RABGEF1: variants seen among roughly 807,000 people sequenced by gnomAD.
RABGEF1 encodes rab5 GDP/GTP exchange factor.
A neutral mutation model predicts 57.3 loss-of-function variants in RABGEF1; 26 were observed. That is an observed-to-expected ratio of 0.45 (90% CI 0.33 to 0.63). The LOEUF (loss-of-function observed/expected upper bound fraction) is 0.63. Ranked by LOEUF, RABGEF1 falls within the 20% of genes least tolerant of loss-of-function variation. RABGEF1 has a pLI of 0.02. For missense variants in RABGEF1, 464 were observed against 607.6 expected, an observed-to-expected ratio of 0.76 and a Z score of 2.48; for synonymous variants, 185 against 210.7, an observed-to-expected ratio of 0.88 and a Z score of 1.06.
At chr7:66,683,215 C>T (rs911593122) in intron 1 of RABGEF1, among the ~76,000 whole-genome samples, 2 of 152,238 alleles carry the variant, frequency 1.3e-5, no homozygotes, top group South Asian at 4.2e-4. Flanking sequence ...TGGCCTTAAG[C>T]GATCCTCCCG....
At chr7:66,696,170 A>G (rs1478604309) in intron 1 of RABGEF1, among the ~76,000 whole-genome samples, 4 of 152,016 alleles carry the variant, frequency 2.6e-5, no homozygotes, top group Admixed American at 6.6e-5. Context: ...GGCTCAAGCT[A>G]TCCTCTCGCT....
intron 3 of RABGEF1, among the ~76,000 whole-genome samples, chr7:66,783,341 T>C (rs1376810680): frequency 6.6e-6 from 1 of 152,246 alleles, no homozygotes; most frequent in Non-Finnish European, 1.5e-5. Flanking sequence ...CAGCAGTCTT[T>C]GAGAAGCCTA....
At chr7:66,735,232 T>C (rs888426186) in intron 2 of RABGEF1, among the ~76,000 whole-genome samples, 1 of 152,240 alleles carries the variant, frequency 6.6e-6, no homozygotes, top group Non-Finnish European at 1.5e-5. Flanking sequence ...CTTGCATTTT[T>C]AGGTAGGATT....
At chr7:66,784,011 G>A (rs1471944991) in intron 4 of RABGEF1, among the ~76,000 whole-genome samples, 170 bp downstream of exon 4, 12 of 152,134 alleles carry the variant, frequency 7.9e-5, no homozygotes, top group Non-Finnish European at 1.6e-4. Context: ...CAACTCTTAG[G>A]CTAGTACTTT....
chr7:66,787,134 G>A (rs574642815), intron 4 of RABGEF1, among the ~76,000 whole-genome samples: 11 of 149,148 alleles, frequency 7.4e-5, no homozygotes, highest in Non-Finnish European at 7.4e-5. Flanking sequence ...TCCAGTGATC[G>A]TCCTCCCTCA....
chr7:66,805,488 A>G (rs1788233129), intron 8 of RABGEF1, 92 bp downstream of exon 8: 2 of 1,548,750 alleles, frequency 1.3e-6, no homozygotes, highest in East Asian at 2.3e-5. Context: ...TGACAGGTGA[A>G]TGCTTCTGTG....
chr7:66,759,501 C>G (rs1480036344), intron 1 of RABGEF1, among the ~76,000 whole-genome samples: 2 of 152,128 alleles, frequency 1.3e-5, no homozygotes, highest in Admixed American at 1.3e-4. Context: ...TTCGTTCATT[C>G]TCACGTAGTT....
chr7:66,718,644 G>A (rs1214237981), intron 2 of RABGEF1, among the ~76,000 whole-genome samples: 5 of 152,148 alleles, frequency 3.3e-5, no homozygotes, highest in Non-Finnish European at 5.9e-5. Context: ...TGGTTACAAT[G>A]TCAGTTTAGT....
chr7:66,751,859 C>G (rs1055912633), intron 1 of RABGEF1, among the ~76,000 whole-genome samples: 4 of 152,162 alleles, frequency 2.6e-5, no homozygotes, highest in Admixed American at 6.6e-5. Context: ...AGCCTCCTCC[C>G]CGGATCTTTG....
At chr7:66,736,012 C>T (rs933953403), upstream of RABGEF1, among the ~76,000 whole-genome samples, 4 of 152,098 alleles carry the variant, frequency 2.6e-5, no homozygotes, top group African/African-American at 9.7e-5. Context: ...GGTTGCTGTC[C>T]ACTGTCACAA....
chr7:66,802,900 G>C (rs1392133897), intron 7 of RABGEF1, among the ~76,000 whole-genome samples: 6 of 151,624 alleles, frequency 4.0e-5, no homozygotes, highest in Non-Finnish European at 1.5e-5. Flanking sequence ...CAAGATGAAA[G>C]AACATTGAAA....
chr7:66,663,732 A>G, the RABGEF1 span, among the ~76,000 whole-genome samples: 1 of 152,144 alleles, frequency 6.6e-6, no homozygotes, highest in Non-Finnish European at 1.5e-5. Context: ...CCTAAAACTT[A>G]AAGTATAATA....
intron 1 of RABGEF1, among the ~76,000 whole-genome samples, chr7:66,689,128 C>G (rs1188814756): frequency 6.6e-6 from 1 of 151,764 alleles, no homozygotes; most frequent in Non-Finnish European, 1.5e-5. Flanking sequence ...AAAGAAAGCT[C>G]TCAAATCAGT....
At chr7:66,720,394 C>T (rs1366955027) in intron 2 of RABGEF1, among the ~76,000 whole-genome samples, 3 of 151,150 alleles carry the variant, frequency 2.0e-5, no homozygotes, top group South Asian at 2.1e-4. Context: ...GACGGGGTTT[C>T]GCCATGTTGG....
Position 66,808,914 on chromosome 7 carries a change from T to C in RABGEF1, c.1106T>C (p.Leu369Pro), listed in dbSNP as rs1584322601. The change falls in exon 9 of 9, where the codon CTA (leucine) becomes CCA (proline). Residue 369 changes from leucine to proline, a missense_variant. Physicochemically the swap from Leu to Pro is moderately conservative, Grantham distance 98. Coordinates refer to ENST00000284957, the MANE Select transcript of RABGEF1 (RefSeq NM_014504.3). ...TGTGCTGTGGCTTTCATTGAGAAGC[T>C]AGACGCCCAGTCTTTGAATCTAAGT... is the stretch of plus-strand genomic sequence containing the variant. ...LCCAVAFIEK[L>P]DAQSLNLSQE... 6.2e-7 allele frequency: 1 copy of C among 1,607,992 alleles called. No homozygotes were observed. The highest frequency in any genetic ancestry group is 1.3e-5 in the African/African-American group (1 of 74,892).
upstream of RABGEF1, among the ~76,000 whole-genome samples, chr7:66,739,377 G>A (rs1299918367): frequency 6.6e-6 from 1 of 151,444 alleles, no homozygotes; most frequent in Non-Finnish European, 1.5e-5. Context: ...AACTCGGGCC[G>A]GGCGCAGTAG....
At chr7:66,693,811 C>CTT (rs534419507) in intron 1 of RABGEF1, among the ~76,000 whole-genome samples, 22 of 141,860 alleles carry the variant, frequency 1.6e-4, no homozygotes, top group African/African-American at 4.4e-4. Flanking sequence ...CCTTTTTTTT[C>CTT]TTTTTTTTTT....
chr7:66,783,792 A>C lies in RABGEF1; in HGVS notation c.464A>C (p.Glu155Ala). The part of the protein sequence containing the change: ...FLKTFHKTGQ[E>A]IYKQTKLFLE... ...AAGACCTTCCACAAGACAGGCCAAGAAATCTATAAACAGACCAAGCTGTTT... is the reference window on the plus strand; with the variant it reads ...AAGACCTTCCACAAGACAGGCCAAGCAATCTATAAACAGACCAAGCTGTTT... The change falls in exon 4 of 9, where the codon GAA becomes GCA. Residue 155 changes from glutamate to alanine, a missense_variant. Glu to Ala is a moderately radical substitution (Grantham distance 107). Coordinates refer to ENST00000284957, the MANE Select transcript of RABGEF1 (RefSeq NM_014504.3). The C allele has an allele frequency of 1.2e-6, 2 of 1,613,730 alleles. No individual in the cohort carries two copies. The highest frequency in any genetic ancestry group is 1.7e-6 in the Non-Finnish European group (2 of 1,179,692).
the RABGEF1 span, among the ~76,000 whole-genome samples, chr7:66,659,484 A>AAC: frequency 6.6e-6 from 1 of 151,524 alleles, no homozygotes; most frequent in African/African-American, 2.4e-5. Flanking sequence ...AAAAAAAGAA[A>AAC]ACACTGCCCA....
Sources: allele counts gnomAD v4.1 joint callset (sites outside exome capture counted in the v4.1 genomes callset), GRCh38; gene constraint gnomAD v4.1.1; transcripts MANE v1.5; gene names NCBI Gene and HGNC (gene_info 2026-07-23, HGNC 2026-07-21).